Variants in PDSS2 observed in about 807,000 individuals in gnomAD.
The protein encoded by PDSS2 is decaprenyl diphosphate synthase subunit 2, also known as all trans-polyprenyl-diphosphate synthase PDSS2.
PDSS2 carries 31 observed loss-of-function variants against 44.5 expected under a neutral mutation model. The ratio of observed to expected loss-of-function variants is 0.70; its 90% CI spans 0.52 to 0.94. The LOEUF is 0.94. PDSS2 is among the 40% of genes least tolerant of loss of function. The pLI is 0.00. For synonymous variants in PDSS2, 157 were observed against 180.3 expected (o/e 0.87, Z 1.03); for missense variants, 452 against 482.2 (o/e 0.94, Z 0.59).
rs1777848670 is a variant in PDSS2 at position 107,335,228 on chromosome 6, T to C, written c.297-896A>G. 3.3e-5 allele frequency among the ~76,000 whole-genome samples: 5 copies of C among 151,968 alleles called. No individual in the cohort carries two copies. The South Asian group carries it at 1.0e-3, about 32-fold the overall frequency. ...AGGCTTCCTCATTTGCTCTCTCCTCTTTCTGGGTCTCCCCGCTGTCTATAC... is the reference window on the plus strand; with the variant it reads ...AGGCTTCCTCATTTGCTCTCTCCTCCTTCTGGGTCTCCCCGCTGTCTATAC... On this transcript the variant is annotated intron_variant, in intron 1 of 7. Transcript: ENST00000369037.
chr6:107,225,175 T>TTTTTTTTTTATATATATATATATATATA (rs1773773906), intron 4 of PDSS2, among the ~76,000 whole-genome samples: 1 of 80,844 alleles, frequency 1.2e-5, no homozygotes. Flanking sequence ...TTTTTTTTTT[T>TTTTTTTTTTATATATATATATATATATA]TTTTTTTTTT....
At chr6:107,396,678 C>CTTTTTTTTTTTTTT (rs950671310) in intron 1 of PDSS2, among the ~76,000 whole-genome samples, 60 of 79,324 alleles carry the variant, frequency 7.6e-4, no homozygotes, top group African/African-American at 1.3e-3. Flanking sequence ...CTTCTTTTTT[C>CTTTTTTTTTTTTTT]TTTTTTTTTT....
chr6:107,379,527 A>T (rs1257840272), intron 1 of PDSS2, among the ~76,000 whole-genome samples: 2 of 152,186 alleles, frequency 1.3e-5, no homozygotes, highest in African/African-American at 2.4e-5. Context: ...ATTAATTAGC[A>T]TGCTTATGTC....
At chr6:107,159,081 T>TG (rs1253812812) in intron 7 of PDSS2, among the ~76,000 whole-genome samples, 4 of 152,056 alleles carry the variant, frequency 2.6e-5, no homozygotes, top group Non-Finnish European at 5.9e-5. Flanking sequence ...GTCGGACTGC[T>TG]GGGGGGACTA....
At chr6:107,225,229 T>G (rs1773780811) in intron 4 of PDSS2, among the ~76,000 whole-genome samples, 1 of 133,970 alleles carries the variant, frequency 7.5e-6, no homozygotes, top group Non-Finnish European at 1.5e-5. Flanking sequence ...TGGAGTGCAG[T>G]GGCATGATCT....
rs150184989 is a variant in PDSS2 at position 107,271,245 on chromosome 6, ACTTT to A, written c.630+2780_630+2783del. On this transcript the variant is annotated intron_variant, in intron 3 of 7. Coordinates refer to ENST00000369037, the MANE Select transcript of PDSS2 (RefSeq NM_020381.4). ...AGTTATTAATATACATTCCTTATTA[ACTTT>A]CTTAAGAAAAAAAATCAATACTTAA... Among the ~76,000 whole-genome samples, 811 of 152,224 alleles carry A rather than the reference ACTTT, an allele frequency of 5.3e-3. 6 individuals carry two copies. Among genetic ancestry groups the A allele is most frequent in the African/African-American group, 0.019 (797 of 41,522 alleles).
intron 1 of PDSS2, among the ~76,000 whole-genome samples, chr6:107,386,946 A>G (rs1462978007): frequency 6.6e-6 from 1 of 152,214 alleles, no homozygotes; most frequent in Non-Finnish European, 1.5e-5. Context: ...TCCAATAGCA[A>G]CAAGATGCAC....
intron 7 of PDSS2, among the ~76,000 whole-genome samples, chr6:107,170,787 A>G (rs1018439481): frequency 6.6e-5 from 10 of 151,878 alleles, no homozygotes; most frequent in Non-Finnish European, 1.3e-4. Flanking sequence ...TAATTTTTGC[A>G]CTTTTAGTAG....
At chr6:107,351,625 A>G (rs1190677618) in intron 1 of PDSS2, among the ~76,000 whole-genome samples, 2 of 152,168 alleles carry the variant, frequency 1.3e-5, no homozygotes, top group East Asian at 1.9e-4. Context: ...CACTATATAC[A>G]CTGGTTTCCA....
chr6:107,301,469 C>CAA (rs10678254), intron 2 of PDSS2, among the ~76,000 whole-genome samples: 114,915 of 151,954 alleles, frequency 0.76, 44,613 homozygotes, highest in East Asian at 0.98. Flanking sequence ...TTTGCAAAAA[C>CAA]AAAACAAGCA....
At chr6:107,439,223 C>T (rs988634187) in intron 1 of PDSS2, among the ~76,000 whole-genome samples, 1 of 152,174 alleles carries the variant, frequency 6.6e-6, no homozygotes, top group Non-Finnish European at 1.5e-5. Context: ...GGTATTGAAA[C>T]AAGGCCATGG....
At chr6:107,416,787 G>C (rs978609523) in intron 1 of PDSS2, among the ~76,000 whole-genome samples, 1 of 152,054 alleles carries the variant, frequency 6.6e-6, no homozygotes, top group Non-Finnish European at 1.5e-5. Flanking sequence ...ATTTGCTAAA[G>C]GCAGAGACTA....
chr6:107,306,882 C>A (rs985532610), intron 2 of PDSS2, among the ~76,000 whole-genome samples: 1 of 152,134 alleles, frequency 6.6e-6, no homozygotes, highest in African/African-American at 2.4e-5. Flanking sequence ...GTGTTGTTTG[C>A]AAAAGACGTT....
intron 1 of PDSS2, among the ~76,000 whole-genome samples, chr6:107,375,287 C>G (rs769673781): frequency 4.6e-5 from 7 of 151,794 alleles, no homozygotes; most frequent in Non-Finnish European, 1.0e-4. Context: ...ACCAATGAAA[C>G]AGAAAATCTT....
At chr6:107,412,142 C>G (rs987729827) in intron 1 of PDSS2, among the ~76,000 whole-genome samples, 4 of 151,760 alleles carry the variant, frequency 2.6e-5, no homozygotes, top group African/African-American at 7.3e-5. Context: ...CCTGCCTCAG[C>G]CTTCCAAAGT....
chr6:107,356,802 C>A (rs1167694582), intron 1 of PDSS2, among the ~76,000 whole-genome samples: 1 of 152,062 alleles, frequency 6.6e-6, no homozygotes, highest in Non-Finnish European at 1.5e-5. Context: ...CATGACAATA[C>A]CAGAGTCTTA....
chr6:107,189,749 T>C (rs1280541413), intron 7 of PDSS2, among the ~76,000 whole-genome samples: 1 of 152,318 alleles, frequency 6.6e-6, no homozygotes. Flanking sequence ...TGCTCTTATT[T>C]GTGCACCATA....
chr6:107,371,797 T>G (rs962792344), intron 1 of PDSS2, among the ~76,000 whole-genome samples: 2 of 152,210 alleles, frequency 1.3e-5, no homozygotes, highest in African/African-American at 4.8e-5. Context: ...AAATAATTTG[T>G]CAAAGGCTGT....
intron 1 of PDSS2, among the ~76,000 whole-genome samples, chr6:107,415,826 T>C (rs1033112293): frequency 4.6e-5 from 7 of 152,178 alleles, no homozygotes; most frequent in Admixed American, 6.5e-5. Flanking sequence ...AGTGGTGGAA[T>C]TATGAAAAGG....
Sources: gnomAD v4.1 joint callset for allele counts (sites outside exome capture counted in the v4.1 genomes callset) on GRCh38, gnomAD v4.1.1 for gene constraint, MANE v1.5 for transcripts, NCBI Gene and HGNC (gene_info 2026-07-23, HGNC 2026-07-21) for gene names.